The following RBMS3 variants were observed in gnomAD, a reference collection of about 807,000 sequenced individuals.
RBMS3 encodes the protein RNA binding motif single stranded interacting protein 3.
A neutral mutation model predicts 66.8 loss-of-function variants in RBMS3; 27 were observed. The ratio of observed to expected loss-of-function variants is 0.40; its 90% confidence interval spans 0.30 to 0.56. RBMS3 has a LOEUF of 0.56. RBMS3 is among the 20% of genes least tolerant of loss of function. The pLI, the probability that RBMS3 is intolerant of heterozygous loss-of-function variation, is 0.40. For missense variants in RBMS3, 513 were observed against 549.5 expected, an observed-to-expected ratio of 0.93 and a Z score of 0.66; for synonymous variants, 188 against 183.0, an observed-to-expected ratio of 1.03 and a Z score of -0.22.
intron 7 of RBMS3, among the ~76,000 whole-genome samples, chr3:29,883,501 A>G (rs1190625126): frequency 6.6e-6 from 1 of 152,076 alleles, no homozygotes; most frequent in African/African-American, 2.4e-5. Flanking sequence ...CTTTTCAGAA[A>G]CTATATCCAG....
chr3:29,701,101 A>G (rs2052551141), intron 4 of RBMS3, among the ~76,000 whole-genome samples: 1 of 152,060 alleles, frequency 6.6e-6, no homozygotes, highest in Non-Finnish European at 1.5e-5. Flanking sequence ...ACATGGTGAA[A>G]CCCAGTCTCT....
intron 4 of RBMS3, among the ~76,000 whole-genome samples, chr3:29,706,827 G>T (rs2052917633): frequency 1.3e-5 from 2 of 152,252 alleles, no homozygotes; most frequent in South Asian, 2.1e-4. Context: ...GTTACCCTAA[G>T]AATAGAATAT....
chr3:29,959,915 ACAATT>A (rs1696309300), intron 12 of RBMS3, among the ~76,000 whole-genome samples: 1 of 152,248 alleles, frequency 6.6e-6, no homozygotes, highest in Non-Finnish European at 1.5e-5. Context: ...TATGGGAACT[ACAATT>A]CAAGATGAGA....
At chr3:29,900,399 T>C (rs73831088) in intron 10 of RBMS3, among the ~76,000 whole-genome samples, 3,414 of 151,938 alleles carry the variant, frequency 0.022, 129 homozygotes, top group African/African-American at 0.078. Context: ...ATTCTCTTTT[T>C]TACTTGCTAG....
chr3:29,700,773 T>C (rs2052530899), intron 4 of RBMS3, among the ~76,000 whole-genome samples: 1 of 151,050 alleles, frequency 6.6e-6, no homozygotes, highest in Admixed American at 6.6e-5. Context: ...AGCTTAGAGG[T>C]TCAAAAAGGA....
At chr3:29,385,765 A>G (rs2038983010) in intron 1 of RBMS3, among the ~76,000 whole-genome samples, 1 of 152,148 alleles carries the variant, frequency 6.6e-6, no homozygotes, top group Non-Finnish European at 1.5e-5. Flanking sequence ...TGCAAAGGAC[A>G]TATCCTAGAC....
intron 10 of RBMS3, among the ~76,000 whole-genome samples, chr3:29,903,826 G>GCA (rs1246643888): frequency 6.6e-6 from 1 of 151,860 alleles, no homozygotes; most frequent in Non-Finnish European, 1.5e-5. Context: ...ATCAATACAT[G>GCA]ATTTGTTGCC....
In RBMS3 at chr3:29,330,729, G is replaced by T. The variant is rs551188975; in HGVS notation, c.75+48973G>T. Among the ~76,000 whole-genome samples the T allele has an allele frequency of 3.3e-5, 5 of 152,232 alleles. No individual in the cohort carries two copies. The South Asian group carries it at 6.2e-4, about 19-fold the overall frequency. On this transcript the variant is annotated intron_variant, in intron 1 of 14. Transcript: ENST00000383767. ...ACTCATTCCTCCCTGCTCACCCTGT[G>T]AAATGCTTCTAGAGGGGGAATAATT...
intron 6 of RBMS3, among the ~76,000 whole-genome samples, chr3:29,781,356 C>G (rs1019696798): frequency 6.6e-6 from 1 of 151,990 alleles, no homozygotes; most frequent in African/African-American, 2.4e-5. Context: ...TACAATTCAC[C>G]CACATGGTTA....
At chr3:29,945,021 AT>A (rs1161926082) in intron 12 of RBMS3, among the ~76,000 whole-genome samples, 1 of 151,644 alleles carries the variant, frequency 6.6e-6, no homozygotes, top group Admixed American at 6.6e-5. Flanking sequence ...TTGAATTTTG[AT>A]TTATTGCAAA....
chr3:29,852,649 A>G (rs192159828), intron 6 of RBMS3, among the ~76,000 whole-genome samples: 3 of 152,354 alleles, frequency 2.0e-5, no homozygotes, highest in Admixed American at 6.5e-5. Context: ...ATTACTAAAA[A>G]GTCAAAATAC....
intron 10 of RBMS3, among the ~76,000 whole-genome samples, chr3:29,902,444 T>A (rs906388309): frequency 7.2e-5 from 11 of 151,842 alleles, no homozygotes; most frequent in African/African-American, 2.7e-4. Flanking sequence ...CTAATTACCT[T>A]ACTTTGCTAA....
At chr3:29,824,901 A>G (rs1316066610) in intron 6 of RBMS3, among the ~76,000 whole-genome samples, 1 of 152,106 alleles carries the variant, frequency 6.6e-6, no homozygotes, top group Non-Finnish European at 1.5e-5. Context: ...TATACAGAGC[A>G]TTTTTTTATC....
chr3:29,992,361 C>T (rs962139875), intron 14 of RBMS3, among the ~76,000 whole-genome samples: 1 of 151,970 alleles, frequency 6.6e-6, no homozygotes, highest in South Asian at 2.1e-4. Flanking sequence ...CCGAGGCGGG[C>T]GGATCACGAG....
At chr3:29,324,944 C>A (rs1372393065) in intron 1 of RBMS3, among the ~76,000 whole-genome samples, 3 of 151,836 alleles carry the variant, frequency 2.0e-5, no homozygotes, top group African/African-American at 7.3e-5. Flanking sequence ...AAACTAGATC[C>A]CAGTTAATGG....
chr3:29,486,207 T>A (rs944619595), intron 2 of RBMS3, among the ~76,000 whole-genome samples: 3 of 152,164 alleles, frequency 2.0e-5, no homozygotes, highest in Non-Finnish European at 2.9e-5. Flanking sequence ...ATGCAGAAAG[T>A]ACCTGTTTGT....
intron 2 of RBMS3, among the ~76,000 whole-genome samples, chr3:29,452,277 G>C (rs974339601): frequency 6.6e-6 from 1 of 152,106 alleles, no homozygotes; most frequent in African/African-American, 2.4e-5. Context: ...GTGTGGACGA[G>C]TTTTAAACAG....
At chr3:29,787,238 T>G (rs191030231) in intron 6 of RBMS3, among the ~76,000 whole-genome samples, 1 of 152,064 alleles carries the variant, frequency 6.6e-6, no homozygotes, top group Non-Finnish European at 1.5e-5. Flanking sequence ...TAGGTGGGAA[T>G]GTAAACTAGT....
At chr3:29,310,507 AT>A (rs71295054) in intron 1 of RBMS3, among the ~76,000 whole-genome samples, 71 of 148,850 alleles carry the variant, frequency 4.8e-4, no homozygotes, top group South Asian at 6.3e-4. Context: ...AATCTTCTGT[AT>A]TTTTTTTTTT....
Sources: allele counts gnomAD v4.1 joint callset (sites outside exome capture counted in the v4.1 genomes callset), GRCh38; gene constraint gnomAD v4.1.1; transcripts MANE v1.5; gene names NCBI Gene and HGNC (gene_info 2026-07-23, HGNC 2026-07-21).